Variants in TMEM178B observed in about 807,000 individuals in gnomAD.
The protein encoded by TMEM178B is transmembrane protein 178B.
A neutral mutation model predicts 31.0 loss-of-function variants in TMEM178B; 5 were observed. That is an observed-to-expected ratio of 0.16 (90% CI 0.08 to 0.34). The LOEUF (loss-of-function observed/expected upper bound fraction) is 0.34, where lower values mean the gene tolerates loss of function less well. Among genes scored for constraint, TMEM178B ranks in the 10% least tolerant of loss-of-function variants. The pLI, the probability that TMEM178B is intolerant of heterozygous loss-of-function variation, is 1.00. For synonymous variants in TMEM178B, 164 were observed against 164.0 expected (o/e 1.00, Z 0.00); for missense variants, 275 against 400.3 (o/e 0.69, Z 2.67).
chr7:141,186,089 A>G (rs993070016), intron 1 of TMEM178B, among the ~76,000 whole-genome samples: 1 of 152,062 alleles, frequency 6.6e-6, no homozygotes, highest in African/African-American at 2.4e-5. Context: ...AAAAAAGAAA[A>G]ATGGGGTTTG....
At chr7:141,200,723 A>G (rs529706197) in intron 1 of TMEM178B, among the ~76,000 whole-genome samples, 8 of 152,312 alleles carry the variant, frequency 5.3e-5, no homozygotes, top group Non-Finnish European at 7.4e-5. Context: ...AGTGTGGGCA[A>G]GGTCTCTCAT....
At chr7:141,264,106 G>C (rs1370558981) in intron 2 of TMEM178B, among the ~76,000 whole-genome samples, 1 of 152,096 alleles carries the variant, frequency 6.6e-6, no homozygotes, top group Admixed American at 6.5e-5. Context: ...TTGGTGGGGG[G>C]CTCCATCACA....
intron 2 of TMEM178B, among the ~76,000 whole-genome samples, chr7:141,244,557 C>T (rs898682958): frequency 1.1e-4 from 17 of 152,108 alleles, no homozygotes; most frequent in Admixed American, 7.2e-4. Context: ...TAAGCCTAGG[C>T]GGCAGAACCT....
At chr7:141,510,685 C>CAAAAAAAAAAAAAAAAAA in the TMEM178B span, among the ~76,000 whole-genome samples, 69 of 24,966 alleles carry the variant, frequency 2.8e-3, 8 homozygotes, top group African/African-American at 3.3e-3. Context: ...AACTCCGTCT[C>CAAAAAAAAAAAAAAAAAA]AAAAAAAAAA....
chr7:141,425,722 T>TAA (rs1801301521), intron 2 of TMEM178B, among the ~76,000 whole-genome samples: 2 of 152,220 alleles, frequency 1.3e-5, no homozygotes, highest in African/African-American at 4.8e-5. Context: ...CTAGCTTTCT[T>TAA]CAGGCGAGTA....
intron 2 of TMEM178B, among the ~76,000 whole-genome samples, chr7:141,226,179 C>T (rs1797338775): frequency 6.6e-6 from 1 of 152,134 alleles, no homozygotes; most frequent in Admixed American, 6.5e-5. Flanking sequence ...AGCTACTGTG[C>T]ACAAGTCACC....
intron 1 of TMEM178B, among the ~76,000 whole-genome samples, chr7:141,080,574 C>T (rs1044742771): frequency 2.0e-5 from 3 of 152,166 alleles, no homozygotes; most frequent in East Asian, 3.9e-4. Context: ...GAGCCGAGAT[C>T]GTGCTACTGC....
At chr7:141,298,598 AG>A (rs1798674156) in intron 2 of TMEM178B, among the ~76,000 whole-genome samples, 2 of 152,192 alleles carry the variant, frequency 1.3e-5, no homozygotes, top group South Asian at 4.1e-4. Context: ...AGCCTCCAAT[AG>A]TTCTCATCTC....
intron 1 of TMEM178B, among the ~76,000 whole-genome samples, chr7:141,135,141 T>C (rs1795655935): frequency 6.6e-6 from 1 of 152,194 alleles, no homozygotes; most frequent in Non-Finnish European, 1.5e-5. Flanking sequence ...AGAAGGTCAT[T>C]ATATAATGAT....
chr7:141,271,738 C>A (rs73167500), intron 2 of TMEM178B, among the ~76,000 whole-genome samples: 7,308 of 152,266 alleles, frequency 0.048, 290 homozygotes, highest in East Asian at 0.12. Context: ...ACATTGACTG[C>A]GGGCTTTCCC....
chr7:141,182,327 C>T (rs1796542710), intron 1 of TMEM178B, among the ~76,000 whole-genome samples: 1 of 152,062 alleles, frequency 6.6e-6, no homozygotes, highest in African/African-American at 2.4e-5. Flanking sequence ...GTGGGGCCAA[C>T]AGCCCTGGTC....
chr7:141,089,483 C>T (rs896838310), intron 1 of TMEM178B, among the ~76,000 whole-genome samples: 2 of 151,692 alleles, frequency 1.3e-5, no homozygotes, highest in African/African-American at 4.9e-5. Flanking sequence ...CTAGAAATAC[C>T]ATTTGAGCCA....
intron 2 of TMEM178B, among the ~76,000 whole-genome samples, chr7:141,271,938 C>T (rs1798192364): frequency 6.6e-6 from 1 of 152,190 alleles, no homozygotes; most frequent in African/African-American, 2.4e-5. Context: ...TTTCCACCTT[C>T]AGATCTGCCC....
chr7:141,134,263 A>G (rs933883715), intron 1 of TMEM178B, among the ~76,000 whole-genome samples: 1 of 152,078 alleles, frequency 6.6e-6, no homozygotes, highest in African/African-American at 2.4e-5. Flanking sequence ...TAAAACAACA[A>G]CAACACAAAA....
intron 2 of TMEM178B, among the ~76,000 whole-genome samples, chr7:141,374,488 C>T (rs1471343966): frequency 1.3e-5 from 2 of 152,208 alleles, no homozygotes; most frequent in African/African-American, 4.8e-5. Flanking sequence ...GAAGCATACA[C>T]AGGTGGGTGA....
chr7:141,139,868 C>T (rs1407183720), intron 1 of TMEM178B, among the ~76,000 whole-genome samples: 5 of 151,592 alleles, frequency 3.3e-5, no homozygotes, highest in Admixed American at 6.6e-5. Context: ...TGGATTCAAG[C>T]GATTCTCCTG....
chr7:141,145,778 G>A (rs919644311), intron 1 of TMEM178B, among the ~76,000 whole-genome samples: 1 of 152,220 alleles, frequency 6.6e-6, no homozygotes, highest in Non-Finnish European at 1.5e-5. Flanking sequence ...GGGGCTGGGG[G>A]TGGCCATCTG....
chr7:141,293,547 G>A (rs1798582663), intron 2 of TMEM178B, among the ~76,000 whole-genome samples: 1 of 152,294 alleles, frequency 6.6e-6, no homozygotes, highest in Admixed American at 6.5e-5. Flanking sequence ...GGCTAAGAGT[G>A]GGATGCAGGC....
intron 1 of TMEM178B, among the ~76,000 whole-genome samples, chr7:141,089,433 A>G (rs1794842663): frequency 6.6e-6 from 1 of 152,236 alleles, no homozygotes; most frequent in South Asian, 2.1e-4. Flanking sequence ...TAGTTTAACC[A>G]TTGTGGAAGA....
Sources: allele counts gnomAD v4.1 joint callset (sites outside exome capture counted in the v4.1 genomes callset), GRCh38; gene constraint gnomAD v4.1.1; transcripts MANE v1.5; gene names NCBI Gene and HGNC (gene_info 2026-07-23, HGNC 2026-07-21).